ECI2: variants seen among roughly 807,000 people sequenced by gnomAD.
ECI2 encodes the protein D3,D2-enoyl-CoA isomerase.
Under a neutral mutation model 38.4 loss-of-function variants are expected in ECI2, and 27 were observed. The ratio of observed to expected loss-of-function variants is 0.70; its 90% confidence interval spans 0.52 to 0.97. The LOEUF (loss-of-function observed/expected upper bound fraction) is 0.97, where lower values mean the gene tolerates loss of function less well. ECI2 is among the 50% of genes least tolerant of loss of function. The pLI, the probability that ECI2 is intolerant of heterozygous loss-of-function variation, is 0.00. For synonymous variants in ECI2, 168 were observed against 172.0 expected (o/e 0.98, Z 0.18); for missense variants, 470 against 474.4 (o/e 0.99, Z 0.09).
intron 7 of ECI2, 39 bp from the exon 8 acceptor site, chr6:4,119,314 G>C: frequency 7.0e-7 from 1 of 1,435,680 alleles, no homozygotes; most frequent in Non-Finnish European, 9.4e-7. Context: ...ATCTTTTCAT[G>C]TGTGATTTTT....
chr6:4,118,885 C>T, intron 8 of ECI2: 1 of 237,846 alleles, frequency 4.2e-6, no homozygotes, highest in Non-Finnish European at 8.2e-6. Flanking sequence ...TGACTAATGC[C>T]ACACAGCTGC....
intron 1 of ECI2, chr6:4,135,262 ACTG>A: frequency 8.7e-7 from 1 of 1,144,534 alleles, no homozygotes. Flanking sequence ...GACCTTGGGG[ACTG>A]CTGACAGGGA....
At chr6:4,122,854 T>C (rs1447506220) in intron 7 of ECI2, among the ~76,000 whole-genome samples, 1 of 152,218 alleles carries the variant, frequency 6.6e-6, no homozygotes. Context: ...TGTGTATGCG[T>C]ATATTTATAA....
In ECI2 at chr6:4,115,915, T is replaced by C. The variant is rs1163376137; in HGVS notation, c.1144A>G (p.Asn382Asp). ...CTGGATAAGAAGTTCACCACAGCAT[T>C]TGTGCATTCATCTGATAGCCATCTT... is the stretch of plus-strand genomic sequence containing the variant. ...QGRWLSDECT[N>D]AVVNFLSRKS... Residue 382 changes from asparagine (N) to aspartate (D), a missense_variant, in exon 10 of 10, where the codon AAT (asparagine) becomes GAT (aspartate). Asn to Asp is a conservative substitution (Grantham distance 23). Coordinates refer to ENST00000380118, the MANE Select transcript of ECI2 (RefSeq NM_206836.3). The C allele has an allele frequency of 6.2e-7, 1 of 1,614,064 alleles. No individual in the cohort carries two copies. Among genetic ancestry groups the C allele is most frequent in the Non-Finnish European group, 8.5e-7 (1 of 1,180,044 alleles).
chr6:4,117,374 G>GA lies in ECI2; in HGVS notation c.962dup (p.Asp323Ter). The GA allele has an allele frequency of 6.2e-7, 1 of 1,613,988 alleles. No homozygotes were observed. Among genetic ancestry groups the GA allele is most frequent in the Non-Finnish European group, 8.5e-7 (1 of 1,179,922 alleles). ...CTTCTTTCTGAAAAGTGCTATCAGG[G>GA]AAAACTTCAGTAACAAGTCCTTGAG... On this transcript the variant is annotated frameshift_variant, in exon 9 of 10. Coordinates refer to ENST00000380118, the MANE Select transcript of ECI2 (RefSeq NM_206836.3). LOFTEE classifies it high-confidence loss of function.
intron 7 of ECI2, 39 bp from the exon 8 acceptor site, chr6:4,119,314 G>A: frequency 7.0e-7 from 1 of 1,435,678 alleles, no homozygotes; most frequent in Non-Finnish European, 9.4e-7. Flanking sequence ...ATCTTTTCAT[G>A]TGTGATTTTT....
At chr6:4,123,293 C>T (rs976667805) in intron 7 of ECI2, among the ~76,000 whole-genome samples, 4 of 151,986 alleles carry the variant, frequency 2.6e-5, no homozygotes, top group Non-Finnish European at 5.9e-5. Context: ...TCTCCTGCCT[C>T]AGCCTCCAAT....
chr6:4,135,555 C>G lies in ECI2; in HGVS notation c.6G>C (p.Ala2=). The G allele has an allele frequency of 1.2e-6, 2 of 1,604,934 alleles. No homozygotes were observed. The highest frequency in any genetic ancestry group is 1.7e-6 in the Non-Finnish European group (2 of 1,176,074). M[A]MAYLAWRLAR... ...CCAGTCTCCAAGCCAAGTACGCCAT[C>G]GCCATCCCTTGGGCGGCTCTAGGGC... Residue 2 remains alanine, a synonymous_variant, in exon 1 of 10, where the codon GCG becomes GCC. Transcript: ENST00000380118.
intron 1 of ECI2, 176 bp downstream of exon 1, chr6:4,135,335 A>T (rs1344083624): frequency 1.4e-6 from 2 of 1,463,350 alleles, no homozygotes; most frequent in African/African-American, 2.8e-5. Flanking sequence ...GCGGTGCAGG[A>T]GGGCGCGCGT....
At chr6:4,135,330 G>C in intron 1 of ECI2, 181 bp downstream of exon 1, 1 of 1,462,596 alleles carries the variant, frequency 6.8e-7, no homozygotes, top group African/African-American at 1.4e-5. Context: ...GCCCAGCGGT[G>C]CAGGAGGGCG....
chr6:4,124,973 T>C (rs1315356328), intron 7 of ECI2: 2 of 544,182 alleles, frequency 3.7e-6, no homozygotes, highest in East Asian at 9.1e-5. Context: ...CTCCTGAATC[T>C]TTCAGAATAA....
rs142672246 is a variant in ECI2 at position 4,125,334 on chromosome 6, A to G, written c.711T>C (p.Pro237=). The change falls in exon 7 of 10, where the codon CCT becomes CCC. Residue 237 remains proline, a synonymous_variant. Coordinates refer to ENST00000380118, the MANE Select transcript of ECI2 (RefSeq NM_206836.3). ...CTGGACCATTGACCACTGCAATCAG[A>G]GGCTTAGGAAAATCTATAAAACAGC... ...FVGCFIDFPK[P]LIAVVNGPAV... is the part of the protein sequence containing the mutation. 698 of 1,614,190 alleles carry G rather than the reference A, an allele frequency of 4.3e-4. 10 individuals are homozygous for G. The East Asian group carries it at 0.015, about 35-fold the overall frequency.
intron 1 of ECI2, 171 bp from the exon 2 acceptor site, chr6:4,133,882 GATA>G (rs1773608208): frequency 1.5e-6 from 1 of 689,588 alleles, no homozygotes; most frequent in Admixed American, 3.9e-5. Flanking sequence ...AGGATTCCAA[GATA>G]ATAAGTCAAT....
intron 2 of ECI2, 107 bp downstream of exon 2, chr6:4,133,442 A>T: frequency 7.3e-7 from 1 of 1,377,116 alleles, no homozygotes; most frequent in Admixed American, 2.2e-5. Context: ...AGAGGGAGCA[A>T]GACAAACCAA....
Position 4,130,458 on chromosome 6 carries a change from A to C in ECI2, c.415T>G (p.Phe139Val). Residue 139 changes from phenylalanine to valine, a missense_variant, in exon 4 of 10, where the codon TTT (phenylalanine) becomes GTT (valine). By Grantham distance (50) the Phe-to-Val change is conservative (BLOSUM62 -1). Transcript: ENST00000380118. The part of the protein sequence containing the change: ...EPGTDRKSTG[F>V]ETLVVTSEDG... ...TCGGAGGTCACCACCAGAGTTTCAA[A>C]CCCAGTTGATTTCCTGTCTGTTCCA... 6.8e-6 allele frequency: 11 copies of C among 1,614,202 alleles called. No homozygotes were observed. Among genetic ancestry groups the C allele is most frequent in the Non-Finnish European group, 8.5e-6 (10 of 1,180,022 alleles).
intron 3 of ECI2, 67 bp from the exon 4 acceptor site, chr6:4,130,627 T>A (rs1773458925): frequency 6.2e-7 from 1 of 1,607,062 alleles, no homozygotes; most frequent in Admixed American, 1.7e-5. Flanking sequence ...AAAGTTACTA[T>A]ACTAATAACT....
rs762001199 is a variant in ECI2, at chr6:4,135,547, T to G, written c.14A>C (p.Tyr5Ser). The change falls in exon 1 of 10, where the codon TAC becomes TCC. Residue 5 changes from tyrosine to serine, a missense_variant. Physicochemically the swap from Tyr to Ser is moderately radical, Grantham distance 144. Coordinates refer to ENST00000380118, the MANE Select transcript of ECI2 (RefSeq NM_206836.3). ...ACGCCGCGCCAGTCTCCAAGCCAAG[T>G]ACGCCATCGCCATCCCTTGGGCGGC... MAMA[Y>S]LAWRLARRSC... 11 of 1,578,842 alleles carry G rather than the reference T, an allele frequency of 7.0e-6. No homozygotes were observed. The Admixed American group carries it at 1.9e-4, about 27-fold the overall frequency.
chr6:4,123,286 C>G (rs143742239), intron 7 of ECI2, among the ~76,000 whole-genome samples: 2,446 of 152,040 alleles, frequency 0.016, 61 homozygotes, highest in African/African-American at 0.056. Flanking sequence ...AAGCAATTCT[C>G]CTGCCTCAGC....
chr6:4,127,629 C>T (rs1018556779), intron 5 of ECI2, 133 bp downstream of exon 5: 4 of 739,004 alleles, frequency 5.4e-6, no homozygotes, highest in Non-Finnish European at 8.7e-6. Context: ...TAATCAGGCT[C>T]ATCTCAAACT....
Sources: allele counts gnomAD v4.1 joint callset (sites outside exome capture counted in the v4.1 genomes callset), GRCh38; gene constraint gnomAD v4.1.1; transcripts MANE v1.5; gene names NCBI Gene and HGNC (gene_info 2026-07-23, HGNC 2026-07-21).